The following ANP32B variants were observed in gnomAD, a reference collection of about 807,000 sequenced individuals.
ANP32B encodes the protein acidic leucine-rich nuclear phosphoprotein 32 family member B.
In ANP32B, 6 loss-of-function variants were observed where a neutral mutation model predicts 32.2. The ratio of observed to expected loss-of-function variants is 0.19; its 90% CI spans 0.10 to 0.37. The LOEUF (loss-of-function observed/expected upper bound fraction) is 0.37, where lower values mean the gene tolerates loss of function less well. Among genes scored for constraint, ANP32B ranks in the 10% least tolerant of loss-of-function variants. The pLI is 1.00. For missense variants in ANP32B, 204 were observed against 289.2 expected (o/e 0.71, Z 2.14); for synonymous variants, 98 against 105.8 (o/e 0.93, Z 0.45).
intron 1 of ANP32B, among the ~76,000 whole-genome samples, chr9:97,985,671 C>T (rs1184786683): frequency 1.3e-5 from 2 of 152,214 alleles, no homozygotes; most frequent in East Asian, 1.9e-4. Flanking sequence ...TTAGGATATG[C>T]TCAAACTAAA....
intron 6 of ANP32B, among the ~76,000 whole-genome samples, chr9:98,014,633 C>T (rs1369057537): frequency 6.6e-6 from 1 of 152,108 alleles, no homozygotes; most frequent in Non-Finnish European, 1.5e-5. Context: ...CTCAGAATAA[C>T]CTTTTAAAGT....
chr9:97,986,167 G>T (rs1827730672), intron 1 of ANP32B, among the ~76,000 whole-genome samples: 1 of 152,228 alleles, frequency 6.6e-6, no homozygotes, highest in African/African-American at 2.4e-5. Context: ...TGCCAGTCAG[G>T]CCAGAGCCAT....
At chr9:98,010,461 C>G (rs1828164254) in intron 4 of ANP32B, among the ~76,000 whole-genome samples, 1 of 151,910 alleles carries the variant, frequency 6.6e-6, no homozygotes, top group South Asian at 2.1e-4. Flanking sequence ...ATAATAATTG[C>G]AAGTAAGCAA....
chr9:98,001,043 A>C (rs911966860), intron 3 of ANP32B, among the ~76,000 whole-genome samples: 1 of 152,028 alleles, frequency 6.6e-6, no homozygotes, highest in Non-Finnish European at 1.5e-5. Flanking sequence ...GAATTCCAAC[A>C]GGAGCACCAA....
At chr9:97,999,499 G>A (rs1379637758) in intron 3 of ANP32B, among the ~76,000 whole-genome samples, 2 of 152,074 alleles carry the variant, frequency 1.3e-5, no homozygotes, top group Non-Finnish European at 2.9e-5. Flanking sequence ...GCATGGAAAC[G>A]CCAAGATCCT....
intron 2 of ANP32B, 28 bp from the exon 3 acceptor site, chr9:97,998,527 GT>G: frequency 6.3e-7 from 1 of 1,591,660 alleles, no homozygotes; most frequent in Non-Finnish European, 8.5e-7. Flanking sequence ...GTGTATTTGT[GT>G]TTGTGTTGTG....
chr9:97,992,711 G>A (rs1222523077), intron 1 of ANP32B, among the ~76,000 whole-genome samples: 1 of 152,072 alleles, frequency 6.6e-6, no homozygotes, highest in Non-Finnish European at 1.5e-5. Context: ...AAATTTTAAT[G>A]GTTCGTTGGT....
intron 2 of ANP32B, among the ~76,000 whole-genome samples, chr9:97,997,341 G>A (rs1037337698): frequency 3.3e-5 from 5 of 152,016 alleles, no homozygotes; most frequent in Admixed American, 2.0e-4. Flanking sequence ...CAGCTGACCT[G>A]TTTTTTTAAC....
intron 1 of ANP32B, among the ~76,000 whole-genome samples, chr9:97,994,020 C>G (rs980298242): frequency 3.3e-5 from 5 of 152,216 alleles, no homozygotes; most frequent in Non-Finnish European, 7.3e-5. Context: ...TAGCAGTTCT[C>G]TGCTAGAAAC....
At chr9:97,986,713 C>T (rs187636713) in intron 1 of ANP32B, 2 of 152,258 alleles carry the variant, frequency 1.3e-5, no homozygotes, top group Non-Finnish European at 2.9e-5. Context: ...AGCTGTTACA[C>T]AGTAGGCTTG....
intron 1 of ANP32B, among the ~76,000 whole-genome samples, chr9:97,993,132 A>C (rs1827855597): frequency 6.6e-6 from 1 of 152,230 alleles, no homozygotes; most frequent in African/African-American, 2.4e-5. Flanking sequence ...AGGAAGAAGT[A>C]AGTGGATGTA....
chr9:97,989,716 C>T (rs970083787), intron 1 of ANP32B, among the ~76,000 whole-genome samples: 2 of 152,178 alleles, frequency 1.3e-5, no homozygotes, highest in African/African-American at 2.4e-5. Flanking sequence ...CTCAACTACA[C>T]TCTTCCAAAG....
At chr9:98,007,952 C>T (rs1828114857) in intron 4 of ANP32B, among the ~76,000 whole-genome samples, 1 of 152,114 alleles carries the variant, frequency 6.6e-6, no homozygotes, top group Non-Finnish European at 1.5e-5. Flanking sequence ...CCAGAGATTT[C>T]TCTAAGAATA....
At chr9:97,988,599 C>T (rs1209747685) in intron 1 of ANP32B, among the ~76,000 whole-genome samples, 1 of 152,134 alleles carries the variant, frequency 6.6e-6, no homozygotes, top group Non-Finnish European at 1.5e-5. Context: ...GTGGCAGGCA[C>T]CTGTCATCCC....
intron 3 of ANP32B, among the ~76,000 whole-genome samples, chr9:98,003,410 A>G (rs1828027143): frequency 6.6e-6 from 1 of 152,188 alleles, no homozygotes; most frequent in South Asian, 2.1e-4. Context: ...GCCTGTTTAT[A>G]TAGTCTCTGT....
intron 1 of ANP32B, among the ~76,000 whole-genome samples, chr9:97,990,304 A>C (rs1486392416): frequency 6.6e-6 from 1 of 152,204 alleles, no homozygotes; most frequent in Non-Finnish European, 1.5e-5. Flanking sequence ...CCATTGAAAC[A>C]ATATCCGAGC....
chr9:97,987,531 G>A (rs1306694286), intron 1 of ANP32B: 1 of 152,220 alleles, frequency 6.6e-6, no homozygotes, highest in Non-Finnish European at 1.5e-5. Context: ...TGTTCTTTAT[G>A]TGAGATTCTT....
In ANP32B at chr9:98,006,920, G is replaced by A. The variant is rs537664784; in HGVS notation, c.517+1767G>A. Among the ~76,000 whole-genome samples the A allele has an allele frequency of 6.6e-5, 10 of 152,164 alleles. No homozygotes were observed. The South Asian group carries it at 8.3e-4, about 13-fold the overall frequency. On this transcript the variant is annotated intron_variant, in intron 4 of 6. Transcript: ENST00000339399. The stretch of plus-strand genomic sequence containing the variant: ...TGAGAATTGCTTGAACCTGGGAGGC[G>A]GAGGTTGCAGTGAGCCGAGATTGTG...
At chr9:97,998,420 G>A (rs2131585721) in intron 2 of ANP32B, 136 bp from the exon 3 acceptor site, 2 of 883,182 alleles carry the variant, frequency 2.3e-6, no homozygotes, top group East Asian at 3.0e-5. Flanking sequence ...AAATGAACAT[G>A]CATGCCCTAA....
Sources: gnomAD v4.1 joint callset for allele counts (sites outside exome capture counted in the v4.1 genomes callset) on GRCh38, gnomAD v4.1.1 for gene constraint, MANE v1.5 for transcripts, NCBI Gene and HGNC (gene_info 2026-07-23, HGNC 2026-07-21) for gene names.